ANKFN1: variants seen among roughly 807,000 people sequenced by gnomAD.
The protein encoded by ANKFN1 is ankyrin repeat and fibronectin type III domain containing 1.
In ANKFN1, 74 loss-of-function variants were observed where a neutral mutation model predicts 108.7. That is an observed-to-expected ratio of 0.68 (90% CI 0.56 to 0.83). The LOEUF (loss-of-function observed/expected upper bound fraction) is 0.83. Among genes scored for constraint, ANKFN1 ranks in the 40% least tolerant of loss-of-function variants. The pLI, the probability that ANKFN1 is intolerant of heterozygous loss-of-function variation, is 0.00. For synonymous variants in ANKFN1, 547 were observed against 516.2 expected, an observed-to-expected ratio of 1.06 and a Z score of -0.81; for missense variants, 1,505 against 1,382.3, an observed-to-expected ratio of 1.09 and a Z score of -1.41.
rs112806328 is a variant in ANKFN1 at position 56,499,059 on chromosome 17, C to T, written c.2605C>T (p.Pro869Ser). ...ACATATAGACTGTCTTCCATCCCCA[C>T]CCCCATCCCCAGAGATGCACAGAAG... ...SSHIDCLPSPPPSPEMHRRKT... is the reference protein window; with the variant it reads ...SSHIDCLPSPSPSPEMHRRKT... Residue 869 changes from proline (P) to serine (S), a missense_variant, in exon 20 of 21, where the codon CCC becomes TCC. By Grantham distance (74) the Pro-to-Ser change is moderately conservative. Coordinates refer to ENST00000682825, the MANE Select transcript of ANKFN1 (RefSeq NM_001370326.1). The T allele has an allele frequency of 5.1e-4, 787 of 1,535,576 alleles. 10 individuals are homozygous for T. The African/African-American group carries it at 8.9e-3, about 17-fold the overall frequency.
At chr17:56,104,070 T>C (rs951867196) in intron 4 of ANKFN1, among the ~76,000 whole-genome samples, 9 of 152,248 alleles carry the variant, frequency 5.9e-5, no homozygotes, top group Admixed American at 1.3e-4. Flanking sequence ...CCTCTGGTTC[T>C]GGTTCTGAGG....
chr17:56,289,224 C>T (rs1157250212), intron 3 of ANKFN1, among the ~76,000 whole-genome samples: 1 of 152,100 alleles, frequency 6.6e-6, no homozygotes, highest in Non-Finnish European at 1.5e-5. Context: ...GCTTATAGTT[C>T]CTGAGAGTTA....
intron 1 of ANKFN1, chr17:56,184,639 C>T (rs1912014878): frequency 6.6e-6 from 1 of 152,154 alleles, no homozygotes; most frequent in Non-Finnish European, 1.5e-5. Context: ...TGCTGTAATT[C>T]CTCAAGGCAT....
intron 3 of ANKFN1, among the ~76,000 whole-genome samples, chr17:56,313,778 A>G (rs1256157644): frequency 6.6e-6 from 1 of 152,252 alleles, no homozygotes; most frequent in Non-Finnish European, 1.5e-5. Context: ...TTCATTAATT[A>G]TAATTTGCAT....
intron 18 of ANKFN1, among the ~76,000 whole-genome samples, chr17:56,486,813 T>A (rs573247422): frequency 6.6e-6 from 1 of 152,348 alleles, no homozygotes; most frequent in South Asian, 2.1e-4. Context: ...TATGGGAATA[T>A]GTAAATTATA....
intron 6 of ANKFN1, among the ~76,000 whole-genome samples, chr17:56,363,863 G>C (rs2144730618): frequency 1.3e-5 from 2 of 152,262 alleles, no homozygotes; most frequent in Middle Eastern, 6.8e-3. Context: ...CTTATTTAGA[G>C]TCTTGTGGAC....
rs2046408692 is a variant in ANKFN1 at position 56,357,615 on chromosome 17, CAT to C, written c.601+3571_601+3572del. Among the ~76,000 whole-genome samples, 3 of 152,278 alleles carry C rather than the reference CAT, an allele frequency of 2.0e-5. No homozygotes were observed. The South Asian group carries it at 6.2e-4, about 32-fold the overall frequency. On this transcript the variant is annotated intron_variant, in intron 6 of 20. Coordinates refer to ENST00000682825, the MANE Select transcript of ANKFN1 (RefSeq NM_001370326.1). The stretch of plus-strand genomic sequence containing the variant: ...GTTGGAGAGAGGCAGGATAGAAAAA[CAT>C]AGTGTTTTCAGGCATTTTTAATTCA...
At chr17:56,281,013 G>A (rs908539782) in intron 3 of ANKFN1, among the ~76,000 whole-genome samples, 5 of 151,604 alleles carry the variant, frequency 3.3e-5, no homozygotes, top group African/African-American at 1.2e-4. Flanking sequence ...CACCGTGTGA[G>A]ATGGGCCTTT....
At chr17:56,356,600 G>A (rs981046533) in intron 6 of ANKFN1, among the ~76,000 whole-genome samples, 24 of 152,178 alleles carry the variant, frequency 1.6e-4, no homozygotes, top group Admixed American at 3.3e-4. Context: ...TAGGATTTGA[G>A]CTCTTCAAAA....
At chr17:56,499,408 T>C (rs915541260) in intron 20 of ANKFN1, among the ~76,000 whole-genome samples, 1 of 152,086 alleles carries the variant, frequency 6.6e-6, no homozygotes, top group Non-Finnish European at 1.5e-5. Flanking sequence ...GGGACCACTG[T>C]GATGCCAAGT....
intron 3 of ANKFN1, among the ~76,000 whole-genome samples, chr17:56,228,827 C>T (rs1916488774): frequency 1.3e-5 from 2 of 152,072 alleles, no homozygotes; most frequent in South Asian, 4.1e-4. Flanking sequence ...GATACATCAA[C>T]TTCTAATTCA....
intron 6 of ANKFN1, chr17:56,368,012 G>T (rs1054914527): frequency 3.4e-6 from 1 of 297,816 alleles, no homozygotes; most frequent in East Asian, 7.6e-5. Context: ...ATCTCCCTGG[G>T]TCTCAATTTC....
At chr17:56,082,154 T>C (rs1286509375) in intron 4 of ANKFN1, among the ~76,000 whole-genome samples, 1 of 152,186 alleles carries the variant, frequency 6.6e-6, no homozygotes, top group South Asian at 2.1e-4. Flanking sequence ...TAGTAACACA[T>C]CCCAGTTTCC....
intron 4 of ANKFN1, among the ~76,000 whole-genome samples, chr17:56,340,790 T>G (rs151214347): frequency 6.6e-5 from 10 of 152,190 alleles, no homozygotes; most frequent in Admixed American, 1.3e-4. Context: ...ATTCGGGCTC[T>G]TTTTTTGGTT....
At chr17:56,431,022 C>T (rs1405598921) in intron 8 of ANKFN1, among the ~76,000 whole-genome samples, 3 of 152,048 alleles carry the variant, frequency 2.0e-5, no homozygotes, top group Non-Finnish European at 2.9e-5. Flanking sequence ...GAACAGTATG[C>T]GTGAGTTTCC....
intron 3 of ANKFN1, among the ~76,000 whole-genome samples, chr17:56,294,422 G>A (rs1479826999): frequency 6.6e-6 from 1 of 152,198 alleles, no homozygotes; most frequent in Non-Finnish European, 1.5e-5. Context: ...TCAGGTCATT[G>A]GACTTTGCCA....
chr17:56,344,880 G>T (rs1008810747), intron 4 of ANKFN1, among the ~76,000 whole-genome samples: 1 of 151,688 alleles, frequency 6.6e-6, no homozygotes, highest in Non-Finnish European at 1.5e-5. Flanking sequence ...GTTTGTTTGC[G>T]TGTTTTTTAA....
chr17:56,389,378 G>C (rs7213782), intron 8 of ANKFN1, among the ~76,000 whole-genome samples: 1 of 152,158 alleles, frequency 6.6e-6, no homozygotes. Flanking sequence ...ACAGATTAGC[G>C]GTTGCCAAGA....
At chr17:56,130,261 G>A (rs1907198524) in intron 4 of ANKFN1, among the ~76,000 whole-genome samples, 2 of 152,162 alleles carry the variant, frequency 1.3e-5, no homozygotes, top group African/African-American at 2.4e-5. Flanking sequence ...TTCCTGGCAG[G>A]CCCTCGCTGG....
Sources: allele counts gnomAD v4.1 joint callset (sites outside exome capture counted in the v4.1 genomes callset), GRCh38; gene constraint gnomAD v4.1.1; transcripts MANE v1.5; gene names NCBI Gene and HGNC (gene_info 2026-07-23, HGNC 2026-07-21).